The following CSF3R variants were observed in gnomAD, a reference collection of about 807,000 sequenced individuals.
CSF3R encodes granulocyte colony-stimulating factor receptor.
A neutral mutation model predicts 84.4 loss-of-function variants in CSF3R; 52 were observed. The ratio of observed to expected loss-of-function variants is 0.62; its 90% CI spans 0.49 to 0.78. CSF3R has a LOEUF of 0.78. CSF3R is among the 30% of genes least tolerant of loss of function. The probability of loss-of-function intolerance (pLI) is 0.00; values close to 1 mark genes in which losing one functional copy is unlikely to be tolerated. For missense variants in CSF3R, 890 were observed against 1,055.7 expected, an observed-to-expected ratio of 0.84 and a Z score of 2.17; for synonymous variants, 384 against 429.1, an observed-to-expected ratio of 0.89 and a Z score of 1.30.
At chr1:36,479,312 A>T (rs2124152099) in intron 3 of CSF3R, 121 bp downstream of exon 3, 1 of 1,009,876 alleles carries the variant, frequency 9.9e-7, no homozygotes, top group Non-Finnish European at 1.5e-6. Flanking sequence ...TGTGGCTCAG[A>T]CTTGAATCTT....
Position 36,479,835 on chromosome 1 carries a change from G to A in CSF3R, c.-20-319C>T, listed in dbSNP as rs566319256. On this transcript the variant is annotated intron_variant, in intron 2 of 16. Coordinates refer to ENST00000373106, the MANE Select transcript of CSF3R (RefSeq NM_000760.4). ...TTCTTCCGCCTTCCCAGCTATCTAAGCTAGGCTACCCCTAGAGAGCAGAAC... is the reference window on the plus strand; with the variant it reads ...TTCTTCCGCCTTCCCAGCTATCTAAACTAGGCTACCCCTAGAGAGCAGAAC... Among the ~76,000 whole-genome samples, 4 of 152,338 alleles carry A rather than the reference G, an allele frequency of 2.6e-5. No homozygotes were observed. The South Asian group carries it at 8.3e-4, about 32-fold the overall frequency.
Position 36,472,742 on chromosome 1 carries a change from C to T in CSF3R, c.674-56G>A. 1 of 1,473,336 alleles carries T rather than the reference C, an allele frequency of 6.8e-7. No homozygotes were observed. The highest frequency in any genetic ancestry group is 9.0e-7 in the Non-Finnish European group (1 of 1,108,242). The allele number at this position is 1,473,336 out of a possible 1,614,324, so 91.3% of individuals were successfully genotyped here. ...CCTATCCCACCCTAGAGGGCTCTGCCTTAGCTCCCTCTTGTCTCCCTGTCT... is the reference window on the plus strand; with the variant it reads ...CCTATCCCACCCTAGAGGGCTCTGCTTTAGCTCCCTCTTGTCTCCCTGTCT... On this transcript the variant is annotated intron_variant, in intron 6 of 16. Coordinates refer to ENST00000373106, the MANE Select transcript of CSF3R (RefSeq NM_000760.4). The surrounding 1 kb of genome is among the most constrained non-coding windows in gnomAD (Gnocchi z 5.0).
At chr1:36,473,317 G>A in intron 6 of CSF3R, 118 bp downstream of exon 6, 1 of 1,145,110 alleles carries the variant, frequency 8.7e-7, no homozygotes. Flanking sequence ...CCTCTTCTGT[G>A]CCTCTGTCTC....
At chr1:36,475,248 C>T (rs1651051013) in intron 4 of CSF3R, 129 bp downstream of exon 4, 2 of 1,135,636 alleles carry the variant, frequency 1.8e-6, no homozygotes, top group African/African-American at 3.0e-5. Context: ...CTCAGGTGAT[C>T]CGCCTGCCTC....
At chr1:36,468,918 T>TA in intron 12 of CSF3R, 1 of 529,740 alleles carries the variant, frequency 1.9e-6, no homozygotes, top group Non-Finnish European at 3.4e-6. Flanking sequence ...AATGGTTTGA[T>TA]TTTTGCCAGG....
Position 36,475,528 on chromosome 1 carries a change from C to T in CSF3R, c.210G>A (p.Gln70=). 1.2e-6 allele frequency: 2 copies of T among 1,614,030 alleles called. No individual in the cohort carries two copies. The highest frequency in any genetic ancestry group is 8.5e-7 in the Non-Finnish European group (1 of 1,179,910). Reference sequence around the variant, plus strand: ...ACAGACGCTGCTGCCTGCCCCCGGGCTGAAGCTCTGCTCCCAGTCTCCACA... The same window carrying T: ...ACAGACGCTGCTGCCTGCCCCCGGGTTGAAGCTCTGCTCCCAGTCTCCACA... The part of the protein sequence containing the change: ...QILWRLGAEL[Q]PGGRQQRLSD... The change falls in exon 4 of 17, where the codon CAG becomes CAA. Residue 70 remains glutamine, a synonymous_variant. Transcript: ENST00000373106.
At chr1:36,470,847 G>A (rs1454574865) in intron 10 of CSF3R, among the ~76,000 whole-genome samples, 1 of 152,112 alleles carries the variant, frequency 6.6e-6, no homozygotes, top group Non-Finnish European at 1.5e-5. Flanking sequence ...AACCTGGTCT[G>A]GCTAATGATA....
intron 9 of CSF3R, 194 bp from the exon 10 acceptor site, chr1:36,471,840 G>A (rs1650762328): frequency 7.3e-6 from 5 of 687,038 alleles, no homozygotes; most frequent in South Asian, 5.5e-5. Context: ...AAACAAGTTG[G>A]TGGACACAGC....
At position 36,473,686 on chromosome 1, in the gene CSF3R, A is replaced by G. The variant is rs909204292; in HGVS notation, c.486-64T>C. ...AAAGCGAGGCTCCCTTCTCCCTCCC[A>G]GAGGCATGCCCAGCATCCTACCCAT... On this transcript the variant is annotated intron_variant, in intron 5 of 16. Transcript: ENST00000373106. The G allele has an allele frequency of 4.3e-6, 7 of 1,613,862 alleles. No individual in the cohort carries two copies. In the Admixed American group the frequency reaches 6.7e-5, roughly 15 times the overall value.
chr1:36,479,565 G>C lies in CSF3R; in HGVS notation c.-20-49C>G, dbSNP rs1474180480. 11 of 1,398,904 alleles carry C rather than the reference G, an allele frequency of 7.9e-6. No homozygotes were observed. In the East Asian group the frequency reaches 2.1e-4, roughly 26 times the overall value. 86.7% of individuals were successfully genotyped at this position (1,398,904 alleles called of 1,614,324 possible). On this transcript the variant is annotated intron_variant, in intron 2 of 16. Coordinates refer to ENST00000373106, the MANE Select transcript of CSF3R (RefSeq NM_000760.4). The stretch of plus-strand genomic sequence containing the variant: ...GACCATGGGCTTTGGAGTCAGAGCT[G>C]ATCTTAATCCTTGTCTGTCACTGTG...
Position 36,472,417 on chromosome 1 carries a change from A to G in CSF3R, c.844-26T>C, listed in dbSNP as rs984242109. 1.2e-6 allele frequency: 2 copies of G among 1,613,652 alleles called. No homozygotes were observed. Among genetic ancestry groups the G allele is most frequent in the Non-Finnish European group, 1.7e-6 (2 of 1,179,926 alleles). On this transcript the variant is annotated intron_variant, in intron 7 of 16. Transcript: ENST00000373106. The surrounding 1 kb of genome is among the most constrained non-coding windows in gnomAD (Gnocchi z 5.0). ...CTGGTGAGGGGTGGACAGGACTCTG[A>G]GCCTTGGATCGCTGGGCCATTCTAG...
In CSF3R at chr1:36,466,441, G is replaced by C; in HGVS notation, c.2427C>G (p.Asp809Glu). The change falls in exon 17 of 17, where the codon GAC becomes GAG. Residue 809 changes from aspartate (D) to glutamate (E), a missense_variant. Asp to Glu is a conservative substitution (Grantham distance 45). Coordinates refer to ENST00000373106, the MANE Select transcript of CSF3R (RefSeq NM_000760.4). This position sits in a 1 kb window ranked among gnomAD's most constrained non-coding sequence, Gnocchi z 4.6. Reference sequence around the variant, plus strand: ...TGAGCAGTGGCCCAAAGACACAGTCGTCCTCCTGGCTTGGGGCTGGGGTTA... The same window carrying C: ...TGAGCAGTGGCCCAAAGACACAGTCCTCCTCCTGGCTTGGGGCTGGGGTTA... ...TLVTPAPSQEDDCVFGPLLNF... is the reference protein window; with the variant it reads ...TLVTPAPSQEEDCVFGPLLNF... The C allele has an allele frequency of 1.2e-6, 2 of 1,613,388 alleles. No homozygotes were observed. The highest frequency in any genetic ancestry group is 1.7e-6 in the Non-Finnish European group (2 of 1,179,822).
In CSF3R at chr1:36,467,974, G is replaced by T; in HGVS notation, c.1724-12C>A. ...ATTCAGGATGGCGGCTGGGAGGGGTGTACGGTCAGCATAGGCCTGGATGGT... is the reference window on the plus strand; with the variant it reads ...ATTCAGGATGGCGGCTGGGAGGGGTTTACGGTCAGCATAGGCCTGGATGGT... On this transcript the variant is annotated splice_polypyrimidine_tract_variant and intron_variant, in intron 13 of 16. Transcript: ENST00000373106. This position sits in a 1 kb window ranked among gnomAD's most constrained non-coding sequence, Gnocchi z 4.1. The T allele has an allele frequency of 6.2e-7, 1 of 1,614,208 alleles. No individual in the cohort carries two copies. The highest frequency in any genetic ancestry group is 8.5e-7 in the Non-Finnish European group (1 of 1,180,044).
chr1:36,476,448 T>G (rs1651153040), intron 3 of CSF3R: 1 of 152,280 alleles, frequency 6.6e-6, no homozygotes, highest in Non-Finnish European at 1.5e-5. Context: ...GAGTATTTGC[T>G]GCCATCATTA....
chr1:36,480,231 T>C (rs1209319368), intron 2 of CSF3R, among the ~76,000 whole-genome samples: 1 of 152,192 alleles, frequency 6.6e-6, no homozygotes, highest in Non-Finnish European at 1.5e-5. Context: ...CATGCCAGTG[T>C]TGTCAGGGAC....
chr1:36,475,829 C>T (rs1651112384), intron 3 of CSF3R, 156 bp from the exon 4 acceptor site: 4 of 699,066 alleles, frequency 5.7e-6, no homozygotes, highest in South Asian at 4.0e-5. Flanking sequence ...ACGGAGACTT[C>T]GAGAGGCTAC....
At chr1:36,481,449 C>T (rs1651515543) in intron 2 of CSF3R, 29 bp downstream of exon 2, 1 of 152,250 alleles carries the variant, frequency 6.6e-6, no homozygotes, top group South Asian at 2.1e-4. Context: ...TTCAGGTCAC[C>T]TGACTTGATC....
chr1:36,468,820 C>G (rs1055391160), intron 12 of CSF3R: 4 of 312,310 alleles, frequency 1.3e-5, no homozygotes, highest in African/African-American at 8.6e-5. Context: ...CCTGGCCTCC[C>G]AGAGTGTTAG....
At position 36,472,517 on chromosome 1, in the gene CSF3R, C is replaced by A; in HGVS notation, c.843G>T (p.Leu281=). Reference sequence around the variant, plus strand: ...CTCTCCAGGTTGCCCTCTGCCTCACCAGTGCCCAGCTGGCTTCTCCACGCT... The same window carrying A: ...CTCTCCAGGTTGCCCTCTGCCTCACAAGTGCCCAGCTGGCTTCTCCACGCT... ...KPQRGEASWA[L]VGPLPLEALQ... Residue 281 remains leucine (L), a splice_region_variant and synonymous_variant, in exon 7 of 17, where the codon CTG becomes CTT. Coordinates refer to ENST00000373106, the MANE Select transcript of CSF3R (RefSeq NM_000760.4). This position sits in a 1 kb window ranked among gnomAD's most constrained non-coding sequence, Gnocchi z 5.0. The A allele has an allele frequency of 2.5e-6, 4 of 1,614,210 alleles. No individual in the cohort carries two copies. The highest frequency in any genetic ancestry group is 3.4e-6 in the Non-Finnish European group (4 of 1,180,034).
Sources: allele counts gnomAD v4.1 joint callset (sites outside exome capture counted in the v4.1 genomes callset), GRCh38; gene constraint gnomAD v4.1.1; non-coding constraint Gnocchi (gnomAD v3.1); transcripts MANE v1.5; gene names NCBI Gene and HGNC (gene_info 2026-07-23, HGNC 2026-07-21).